Variants in UNC80 observed in about 807,000 individuals in gnomAD.
UNC80 encodes unc-80 subunit of NALCN channel complex.
In UNC80, 164 loss-of-function variants were observed where a neutral mutation model predicts 384.6. The ratio of observed to expected loss-of-function variants is 0.43; its 90% CI spans 0.38 to 0.49. The LOEUF (loss-of-function observed/expected upper bound fraction) is 0.49. Ranked by LOEUF, UNC80 falls within the 20% of genes least tolerant of loss-of-function variation. The pLI is 0.00. For synonymous variants in UNC80, 1,486 were observed against 1,527.8 expected (o/e 0.97, Z 0.64); for missense variants, 3,330 against 4,143.0 (o/e 0.80, Z 5.39).
At chr2:209,820,810 A>G in intron 13 of UNC80, 131 bp downstream of exon 13, 2 of 992,888 alleles carry the variant, frequency 2.0e-6, no homozygotes, top group Non-Finnish European at 2.9e-6. Flanking sequence ...GAGTGGAGAA[A>G]TCTCTTCATT....
chr2:209,944,667 G>A (rs1184407236), intron 45 of UNC80, among the ~76,000 whole-genome samples: 4 of 151,998 alleles, frequency 2.6e-5, no homozygotes, highest in African/African-American at 9.7e-5. Context: ...AATTCCCAGC[G>A]TTGTTAGTTA....
intron 29 of UNC80, among the ~76,000 whole-genome samples, chr2:209,912,181 A>T (rs2089025210): frequency 6.6e-6 from 1 of 152,156 alleles, no homozygotes; most frequent in African/African-American, 2.4e-5. Context: ...AATATTTTAA[A>T]AGATTTGTGT....
At chr2:209,970,749 A>G in intron 53 of UNC80, 83 bp from the exon 54 acceptor site, 2 of 1,431,744 alleles carry the variant, frequency 1.4e-6, no homozygotes, top group South Asian at 1.5e-5. Context: ...CATTTTTATT[A>G]TCATCATCAT....
Position 209,976,889 on chromosome 2 carries a change from G to A in UNC80, c.8773-24G>A. The A allele has an allele frequency of 6.7e-7, 1 of 1,498,308 alleles. No homozygotes were observed. 92.8% of individuals were successfully genotyped at this position (1,498,308 alleles called of 1,614,324 possible). A position where few individuals can be genotyped will look rare whatever the true frequency, so the allele number is the denominator to read the frequency against. ...TTTATGGATGGAAAATTGAGGCCCT[G>A]AGAATGTTATGCCTTCCTTTCAGCT... is the stretch of plus-strand genomic sequence containing the variant. On this transcript the variant is annotated intron_variant, in intron 57 of 64. Transcript: ENST00000673920. The surrounding 1 kb of genome is among the most constrained non-coding windows in gnomAD (Gnocchi z 4.3).
At position 209,820,191 on chromosome 2, in the gene UNC80, T is replaced by C. The variant is rs916547066; in HGVS notation, c.1963-120T>C. On this transcript the variant is annotated intron_variant, in intron 12 of 64. Transcript: ENST00000673920. Reference sequence around the variant, plus strand: ...AGGAAAATTTGACAGTTGTCTAAATTATTTCTACCCAATTTCATAGACTAG... The same window carrying C: ...AGGAAAATTTGACAGTTGTCTAAATCATTTCTACCCAATTTCATAGACTAG... The C allele has an allele frequency of 3.7e-6, 5 of 1,358,440 alleles. No homozygotes were observed. In the Admixed American group the frequency reaches 1.0e-4, roughly 27 times the overall value. 84.1% of individuals were successfully genotyped at this position (1,358,440 alleles called of 1,614,324 possible). A position where few individuals can be genotyped will look rare whatever the true frequency, so the allele number is the denominator to read the frequency against.
rs868516051 is a variant in UNC80, at chr2:209,949,046, C to G, written c.7286+3103C>G. 2.7e-4 allele frequency among the ~76,000 whole-genome samples: 41 copies of G among 152,244 alleles called. 1 individual carries two copies. The highest frequency in any genetic ancestry group is 3.4e-3 in the Middle Eastern group (1 of 294). ...ACTTTCCTGTCTCCTTAAAAATAAACTGTAACTGGGTTGTATAATTATCAT... is the reference window on the plus strand; with the variant it reads ...ACTTTCCTGTCTCCTTAAAAATAAAGTGTAACTGGGTTGTATAATTATCAT... On this transcript the variant is annotated intron_variant, in intron 47 of 64. Transcript: ENST00000673920.
At chr2:209,817,181 G>T in intron 10 of UNC80, 56 bp downstream of exon 10, 1 of 1,479,426 alleles carries the variant, frequency 6.8e-7, no homozygotes, top group Admixed American at 2.0e-5. Flanking sequence ...TTTAGAACTG[G>T]ATCTAGGGCT....
At chr2:209,930,860 C>T (rs943938271) in intron 37 of UNC80, 108 bp from the exon 38 acceptor site, 2 of 675,402 alleles carry the variant, frequency 3.0e-6, no homozygotes, top group Non-Finnish European at 5.0e-6. Flanking sequence ...AATATGTGGG[C>T]AAAAGTAAAA....
At chr2:209,896,491 G>A (rs2086807161) in intron 28 of UNC80, 78 bp downstream of exon 28, 3 of 1,184,216 alleles carry the variant, frequency 2.5e-6, no homozygotes. Flanking sequence ...GAGGACAAGA[G>A]ATTATACTAA....
At chr2:209,845,012 G>A (rs548599490) in intron 21 of UNC80, 1 of 151,906 alleles carries the variant, frequency 6.6e-6, no homozygotes, top group South Asian at 2.1e-4. Flanking sequence ...ATTTACAGGT[G>A]GAGGCTTTAG....
rs2079525984 is a variant in UNC80, at chr2:209,813,673, T to C, written c.1032T>C (p.Ser344=). The C allele has an allele frequency of 1.9e-6, 3 of 1,551,694 alleles. No individual in the cohort carries two copies. The highest frequency in any genetic ancestry group is 2.6e-6 in the Non-Finnish European group (3 of 1,147,024). ...VLRCLLQPHW[S]EEGTQWSLMY... ...GCTGCCTACTTCAGCCCCATTGGTC[T>C]GAGGAAGGCACTCAGTGGTCTCTGA... Residue 344 remains serine (S), a synonymous_variant, in exon 8 of 65, where the codon TCT becomes TCC. Coordinates refer to ENST00000673920, the MANE Select transcript of UNC80 (RefSeq NM_001371986.1).
At chr2:209,796,042 ACT>A (rs1373471016) in intron 7 of UNC80, 1 of 152,190 alleles carries the variant, frequency 6.6e-6, no homozygotes, top group African/African-American at 2.4e-5. Context: ...AGCCGCAGAC[ACT>A]CAACACCAGC....
chr2:209,881,211 T>TA (rs2085260326), intron 25 of UNC80, 117 bp downstream of exon 25: 3 of 1,201,862 alleles, frequency 2.5e-6, no homozygotes, highest in East Asian at 5.3e-5. Flanking sequence ...CACATAATTT[T>TA]AAAAATTCAA....
chr2:209,774,442 A>G (rs1379899005), intron 2 of UNC80, among the ~76,000 whole-genome samples: 2 of 152,192 alleles, frequency 1.3e-5, no homozygotes, highest in Non-Finnish European at 2.9e-5. Context: ...TAATGCAGTC[A>G]CACAATATCA....
chr2:209,995,050 A>C (rs566616857), intron 64 of UNC80, among the ~76,000 whole-genome samples: 2 of 152,354 alleles, frequency 1.3e-5, no homozygotes, highest in South Asian at 4.1e-4. Context: ...ATAGTCTTTA[A>C]TGGTTAAAAA....
At chr2:209,980,452 G>A (rs1196670109) in intron 59 of UNC80, among the ~76,000 whole-genome samples, 1 of 152,168 alleles carries the variant, frequency 6.6e-6, no homozygotes, top group East Asian at 1.9e-4. Flanking sequence ...GGGGACTGGG[G>A]AGCCATGCAA....
intron 43 of UNC80, 70 bp downstream of exon 43, chr2:209,939,722 T>A: frequency 7.5e-7 from 1 of 1,341,358 alleles, no homozygotes; most frequent in South Asian, 1.7e-5. Flanking sequence ...TTTAAAATTT[T>A]ATTATTATTA....
chr2:209,948,446 A>T (rs1474966401), intron 47 of UNC80, among the ~76,000 whole-genome samples: 1 of 152,150 alleles, frequency 6.6e-6, no homozygotes, highest in Admixed American at 6.5e-5. Context: ...AGCTTTTCAG[A>T]TAAATGTTTA....
chr2:209,870,805 C>A (rs1391037282), intron 22 of UNC80, among the ~76,000 whole-genome samples: 1 of 152,110 alleles, frequency 6.6e-6, no homozygotes, highest in Non-Finnish European at 1.5e-5. Flanking sequence ...TGTAAAGTAA[C>A]CAGCTCTGCC....
Sources: gnomAD v4.1 joint callset for allele counts (sites outside exome capture counted in the v4.1 genomes callset) on GRCh38, gnomAD v4.1.1 for gene constraint, Gnocchi (gnomAD v3.1) non-coding constraint, MANE v1.5 for transcripts, NCBI Gene and HGNC (gene_info 2026-07-23, HGNC 2026-07-21) for gene names.